LHFPL3: variants seen among roughly 807,000 people sequenced by gnomAD.
LHFPL3 encodes LHFPL tetraspan subfamily member 3 protein.
A neutral mutation model predicts 19.3 loss-of-function variants in LHFPL3; 5 were observed. That is an observed-to-expected ratio of 0.26 (90% CI 0.14 to 0.54). LHFPL3 has a LOEUF of 0.54. Ranked by LOEUF, LHFPL3 falls within the 20% of genes least tolerant of loss-of-function variation. The pLI is 0.94. For missense variants in LHFPL3, 249 were observed against 307.4 expected (o/e 0.81, Z 1.42); for synonymous variants, 133 against 126.2 (o/e 1.05, Z -0.36).
chr7:104,880,783 G>C (rs1054903004), intron 2 of LHFPL3, among the ~76,000 whole-genome samples: 2 of 152,126 alleles, frequency 1.3e-5, no homozygotes, highest in African/African-American at 4.8e-5. Flanking sequence ...AAAAATAATA[G>C]TAATGTTGTT....
intron 1 of LHFPL3, among the ~76,000 whole-genome samples, chr7:104,431,515 A>C (rs186881070): frequency 6.6e-6 from 1 of 151,964 alleles, no homozygotes; most frequent in East Asian, 1.9e-4. Flanking sequence ...CACTTATTTG[A>C]TCATTTTATT....
intron 2 of LHFPL3, among the ~76,000 whole-genome samples, chr7:104,781,320 A>G (rs1288640557): frequency 6.6e-6 from 1 of 152,184 alleles, no homozygotes; most frequent in African/African-American, 2.4e-5. Flanking sequence ...AAAGTAGCCC[A>G]TCACCTTATG....
rs76700964 is a variant in LHFPL3 at position 104,842,497 on chromosome 7, C to A, written c.683-63690C>A. Among the ~76,000 whole-genome samples the A allele has an allele frequency of 4.6e-3, 695 of 152,272 alleles. 6 individuals are homozygous for A. Among genetic ancestry groups the A allele is most frequent in the African/African-American group, 0.016 (660 of 41,546 alleles). ...GATAATGTCATGGCTGTCTTCACTG[C>A]ATTGAGAACTCCAGCCCTCCAGATG... is the stretch of plus-strand genomic sequence containing the variant. On this transcript the variant is annotated intron_variant, in intron 2 of 2. Transcript: ENST00000424859.
chr7:104,505,720 A>G (rs1353771151), intron 1 of LHFPL3, among the ~76,000 whole-genome samples: 1 of 152,270 alleles, frequency 6.6e-6, no homozygotes, highest in Non-Finnish European at 1.5e-5. Context: ...CCAATTGAGT[A>G]TTCAAATATG....
intron 1 of LHFPL3, among the ~76,000 whole-genome samples, chr7:104,700,299 C>G (rs1197689457): frequency 1.3e-5 from 2 of 152,236 alleles, no homozygotes; most frequent in East Asian, 3.9e-4. Flanking sequence ...CTTAGCCTAC[C>G]TGAAGTTTCC....
rs568191270 is a variant in LHFPL3 at position 104,550,057 on chromosome 7, A to G, written c.446-186618A>G. On this transcript the variant is annotated intron_variant, in intron 1 of 2. Coordinates refer to ENST00000424859, the MANE Select transcript of LHFPL3 (RefSeq NM_199000.3). Reference sequence around the variant, plus strand: ...AAATCTGCAGGACGAGCCAGCAGACAAGAGACCTAGAAAAGAGTCCGTTTT... The same window carrying G: ...AAATCTGCAGGACGAGCCAGCAGACGAGAGACCTAGAAAAGAGTCCGTTTT... 6.6e-5 allele frequency among the ~76,000 whole-genome samples: 10 copies of G among 152,250 alleles called. No homozygotes were observed. In the East Asian group the frequency reaches 1.9e-3, roughly 29 times the overall value.
At chr7:104,505,991 G>A (rs570949898) in intron 1 of LHFPL3, among the ~76,000 whole-genome samples, 1 of 151,654 alleles carries the variant, frequency 6.6e-6, no homozygotes, top group South Asian at 2.1e-4. Context: ...TGAATGTAAT[G>A]AACTCACTGG....
At chr7:104,544,129 G>C (rs1221327487) in intron 1 of LHFPL3, among the ~76,000 whole-genome samples, 1 of 151,374 alleles carries the variant, frequency 6.6e-6, no homozygotes, top group African/African-American at 2.4e-5. Flanking sequence ...AACTAACCTA[G>C]GTGCTATTCA....
At chr7:104,668,321 T>C in intron 1 of LHFPL3, 7 of 1,601,072 alleles carry the variant, frequency 4.4e-6, no homozygotes, top group Non-Finnish European at 6.0e-6. Context: ...GAAATCGGGA[T>C]TCTGACAAAA....
chr7:104,622,976 G>A (rs1447092846), intron 1 of LHFPL3: 1 of 331,644 alleles, frequency 3.0e-6, no homozygotes, highest in Non-Finnish European at 6.2e-6. Flanking sequence ...TTTTATTATA[G>A]CTATCCTGGA....
chr7:104,897,202 T>G, intron 2 of LHFPL3, among the ~76,000 whole-genome samples: 1 of 152,204 alleles, frequency 6.6e-6, no homozygotes, highest in East Asian at 1.9e-4. Flanking sequence ...TGCCACGTCA[T>G]TTGTGGCTAA....
chr7:104,363,897 C>T (rs1346800269), intron 1 of LHFPL3, among the ~76,000 whole-genome samples: 3 of 152,192 alleles, frequency 2.0e-5, no homozygotes, highest in African/African-American at 7.2e-5. Context: ...TTTTACAAGC[C>T]TCCTCCTTGT....
intron 1 of LHFPL3, among the ~76,000 whole-genome samples, chr7:104,544,169 C>G (rs1397589111): frequency 6.6e-6 from 1 of 151,920 alleles, no homozygotes; most frequent in African/African-American, 2.4e-5. Flanking sequence ...TAATATATTC[C>G]AAATGCTTAT....
intron 1 of LHFPL3, among the ~76,000 whole-genome samples, chr7:104,442,764 T>G (rs1442834143): frequency 6.6e-6 from 1 of 152,220 alleles, no homozygotes; most frequent in Admixed American, 6.5e-5. Context: ...AGTGTCTCCT[T>G]GGCAAACTGC....
At chr7:104,746,037 A>G (rs1055697813) in intron 2 of LHFPL3, among the ~76,000 whole-genome samples, 4 of 152,162 alleles carry the variant, frequency 2.6e-5, no homozygotes, top group African/African-American at 9.7e-5. Context: ...CAGGCCGGAC[A>G]TGGTGGCTTA....
intron 1 of LHFPL3, among the ~76,000 whole-genome samples, chr7:104,578,298 A>G (rs1790383503): frequency 6.6e-6 from 1 of 152,200 alleles, no homozygotes; most frequent in African/African-American, 2.4e-5. Context: ...TGCTTCTTTT[A>G]TAATCCTTAT....
At chr7:104,618,597 G>A (rs977385707) in intron 1 of LHFPL3, among the ~76,000 whole-genome samples, 3 of 151,586 alleles carry the variant, frequency 2.0e-5, no homozygotes, top group Non-Finnish European at 4.4e-5. Context: ...CCATTTCTTC[G>A]CATTTCTTAA....
intron 1 of LHFPL3, among the ~76,000 whole-genome samples, chr7:104,613,592 C>T (rs1469052460): frequency 6.6e-6 from 1 of 152,122 alleles, no homozygotes; most frequent in East Asian, 1.9e-4. Context: ...CCTAATTCCG[C>T]AACACCAACC....
At chr7:104,553,033 G>A (rs1317799715) in intron 1 of LHFPL3, among the ~76,000 whole-genome samples, 1 of 152,106 alleles carries the variant, frequency 6.6e-6, no homozygotes, top group East Asian at 1.9e-4. Context: ...AAAGCCCTTA[G>A]AGTGCTGCCT....
Sources: allele counts gnomAD v4.1 joint callset (sites outside exome capture counted in the v4.1 genomes callset), GRCh38; gene constraint gnomAD v4.1.1; transcripts MANE v1.5; gene names NCBI Gene and HGNC (gene_info 2026-07-23, HGNC 2026-07-21).